NBPF9: variants seen among roughly 807,000 people sequenced by gnomAD.
The protein encoded by NBPF9 is NBPF family member NBPF9.
NBPF9 carries 91 observed loss-of-function variants against 97.8 expected under a neutral mutation model. The ratio of observed to expected loss-of-function variants is 0.93; its 90% CI spans 0.79 to 1.11. The LOEUF is 1.11. Among genes scored for constraint, NBPF9 ranks in the 50% least tolerant of loss-of-function variants. The probability of loss-of-function intolerance (pLI) is 0.00; values close to 1 mark genes in which losing one functional copy is unlikely to be tolerated. For synonymous variants in NBPF9, 334 were observed against 359.5 expected, an observed-to-expected ratio of 0.93 and a Z score of 0.80; for missense variants, 992 against 939.5, an observed-to-expected ratio of 1.06 and a Z score of -0.73.
chr1:149,099,526 ATGG>A (rs1485845924), intron 3 of NBPF9, among the ~76,000 whole-genome samples: 1 of 152,196 alleles, frequency 6.6e-6, no homozygotes, highest in Non-Finnish European at 1.5e-5. Flanking sequence ...TGAGAATACA[ATGG>A]TGAATAAGAG....
At chr1:149,059,998 T>A (rs2078494426) in intron 24 of NBPF9, 190 bp from the exon 25 acceptor site, 1 of 393,890 alleles carries the variant, frequency 2.5e-6, no homozygotes, top group African/African-American at 2.8e-5. Context: ...CCAGAAACTG[T>A]GGGTAAAATG....
At chr1:149,059,188 T>C (rs2078438175) in intron 25 of NBPF9, 91 bp from the exon 26 acceptor site, 1 of 427,756 alleles carries the variant, frequency 2.3e-6, no homozygotes, top group African/African-American at 2.8e-5. Context: ...TAAGGAACTG[T>C]TTAAAAAGAA....
chr1:149,080,665 G>A (rs2080349626), intron 7 of NBPF9, among the ~76,000 whole-genome samples: 1 of 149,582 alleles, frequency 6.7e-6, no homozygotes, highest in South Asian at 2.2e-4. Flanking sequence ...CATATCTGAA[G>A]CATAAAGTGT....
exon 4 of NBPF9, chr1:149,098,617 C>G: frequency 8.0e-7 from 1 of 1,244,002 alleles, no homozygotes; most frequent in East Asian, 3.6e-5. Flanking sequence ...TCCAGGACAC[C>G]CTCAGGAGGA....
At chr1:149,077,732 C>G in intron 10 of NBPF9, 151 bp downstream of exon 10, 1 of 922,072 alleles carries the variant, frequency 1.1e-6, no homozygotes, top group Non-Finnish European at 1.8e-6. Flanking sequence ...ACGACAGCTG[C>G]CGCACCCTGT....
intron 8 of NBPF9, 48 bp from the exon 9 acceptor site, chr1:149,079,269 A>G: frequency 3.4e-6 from 4 of 1,168,590 alleles, no homozygotes; most frequent in South Asian, 2.5e-5. Context: ...GGGTTGAGTG[A>G]TCCGTTCAAA....
At chr1:149,069,041 G>T (rs1489347100) in intron 17 of NBPF9, among the ~76,000 whole-genome samples, 2 of 152,182 alleles carry the variant, frequency 1.3e-5, no homozygotes, top group Non-Finnish European at 2.9e-5. Context: ...ATAACAAAAT[G>T]AAGGCAGAAA....
chr1:149,055,932 A>C (rs1236491403), intron 29 of NBPF9, 33 bp from the exon 30 acceptor site: 2 of 1,611,896 alleles, frequency 1.2e-6, no homozygotes, highest in Non-Finnish European at 1.7e-6. Flanking sequence ...AGAAGCAGCC[A>C]GGGAAAATCA....
chr1:149,088,481 T>C (rs1449206263), intron 5 of NBPF9, among the ~76,000 whole-genome samples: 33 of 152,338 alleles, frequency 2.2e-4, no homozygotes, highest in Admixed American at 5.2e-4. Flanking sequence ...TTCTCTGATT[T>C]AATAGAAAAG....
At chr1:149,052,415 A>G (rs1434256309), downstream of NBPF9, among the ~76,000 whole-genome samples, 1 of 151,170 alleles carries the variant, frequency 6.6e-6, no homozygotes, top group African/African-American at 2.4e-5. Context: ...CATTTGGCCA[A>G]ACATGATTCT....
intron 16 of NBPF9, among the ~76,000 whole-genome samples, chr1:149,070,264 C>G (rs1318748825): frequency 6.9e-6 from 1 of 145,560 alleles, no homozygotes. Flanking sequence ...GAGGTTGCAC[C>G]AAGCCAAGAT....
chr1:149,084,103 G>A (rs2080765977), intron 5 of NBPF9, among the ~76,000 whole-genome samples: 1 of 151,232 alleles, frequency 6.6e-6, no homozygotes, highest in Non-Finnish European at 1.5e-5. Flanking sequence ...AATGAACAAT[G>A]AGAACACTTG....
intron 5 of NBPF9, among the ~76,000 whole-genome samples, chr1:149,088,344 T>C (rs1235273884): frequency 2.0e-5 from 3 of 151,738 alleles, no homozygotes; most frequent in African/African-American, 7.2e-5. Flanking sequence ...ACAGTCATTA[T>C]CTGTGAATAA....
chr1:149,064,178 T>A (rs587594378), intron 19 of NBPF9, among the ~76,000 whole-genome samples: 1 of 139,674 alleles, frequency 7.2e-6, no homozygotes, highest in East Asian at 2.1e-4. Flanking sequence ...TGTGCTCAAG[T>A]TTCCCTGCAG....
chr1:149,085,411 T>C (rs1214338747), intron 5 of NBPF9, among the ~76,000 whole-genome samples: 2 of 152,184 alleles, frequency 1.3e-5, no homozygotes, highest in Non-Finnish European at 2.9e-5. Context: ...TCCTCCAACT[T>C]ATTGCTTCTT....
chr1:149,099,984 G>GAA (rs11414299), intron 3 of NBPF9, among the ~76,000 whole-genome samples: 3 of 120,156 alleles, frequency 2.5e-5, no homozygotes, highest in Admixed American at 8.3e-5. Flanking sequence ...ACTGTCTCAA[G>GAA]AAAAAAAAAA....
exon 6 of NBPF9, chr1:149,082,336 G>A: frequency 6.5e-7 from 1 of 1,542,624 alleles, no homozygotes; most frequent in Admixed American, 1.9e-5. Context: ...CAAAAACAAG[G>A]TTTGAGGTGC....
rs1228685776 is a variant in NBPF9, at chr1:149,078,931, C to T, written c.493+76G>A. 971 of 1,553,628 alleles carry T rather than the reference C, an allele frequency of 6.2e-4. 3 individuals carry two copies. Among genetic ancestry groups the T allele is most frequent in the South Asian group, 5.1e-3 (459 of 89,714 alleles). ...AAAAAAACCCCACTGATACAACTGT[C>T]ATTGTGAAAGTATGGAGGTCTGGAG... is the stretch of plus-strand genomic sequence containing the variant. On this transcript the variant is annotated intron_variant, in intron 9 of 29. Coordinates refer to ENST00000584027, the Ensembl canonical transcript of NBPF9.
In NBPF9 at chr1:149,062,064, G is replaced by C. The variant is rs1324275953; in HGVS notation, c.2251+29C>G. ...CCTCTATCTGGAAGACCAGGTGGAG[G>C]CTTATCACCTTCATAGTAAGGTACT... is the stretch of plus-strand genomic sequence containing the variant. On this transcript the variant is annotated intron_variant, in intron 22 of 29. Coordinates refer to ENST00000584027, the Ensembl canonical transcript of NBPF9. The C allele has an allele frequency of 3.3e-6, 3 of 902,160 alleles. 1 individual carries two copies. The South Asian group carries it at 4.0e-5, about 12-fold the overall frequency. The allele number at this position is 902,160 out of a possible 1,614,324, so 55.9% of individuals were successfully genotyped here. A position where few individuals can be genotyped will look rare whatever the true frequency, so the allele number is the denominator to read the frequency against.
Sources: allele counts gnomAD v4.1 joint callset (sites outside exome capture counted in the v4.1 genomes callset), GRCh38; gene constraint gnomAD v4.1.1; transcripts MANE v1.5; gene names NCBI Gene and HGNC (gene_info 2026-07-23, HGNC 2026-07-21).